Variants in MICAL3 observed in about 807,000 individuals in gnomAD.
MICAL3 encodes microtubule associated monooxygenase, calponin and LIM domain containing 3.
A neutral mutation model predicts 207.4 loss-of-function variants in MICAL3; 62 were observed. That is an observed-to-expected ratio of 0.30 (90% confidence interval 0.24 to 0.37). MICAL3 has a LOEUF of 0.37. Ranked by LOEUF, MICAL3 falls within the 10% of genes least tolerant of loss-of-function variation. MICAL3 has a pLI of 1.00. For synonymous variants in MICAL3, 1,077 were observed against 1,069.3 expected (o/e 1.01, Z -0.14); for missense variants, 2,368 against 2,635.6 (o/e 0.90, Z 2.22).
chr22:17,955,239 C>T (rs1390592188), intron 1 of MICAL3, among the ~76,000 whole-genome samples: 1 of 152,162 alleles, frequency 6.6e-6, no homozygotes, highest in East Asian at 1.9e-4. Flanking sequence ...CAAAATCTCC[C>T]TGGTTTAGGG....
Position 17,841,785 on chromosome 22 carries a change from TGTG to T in MICAL3, c.2801+34_2801+36del. 1 of 1,538,378 alleles carries T rather than the reference TGTG, an allele frequency of 6.5e-7. No homozygotes were observed. Among genetic ancestry groups the T allele is most frequent in the Non-Finnish European group, 8.8e-7 (1 of 1,141,730 alleles). On this transcript the variant is annotated intron_variant, in intron 20 of 31. Coordinates refer to ENST00000441493, the MANE Select transcript of MICAL3 (RefSeq NM_015241.3). This position sits in a 1 kb window ranked among gnomAD's most constrained non-coding sequence, Gnocchi z 4.2. ...AGAGGTGAGGAGGCTCTTAGGGCCG[TGTG>T]GCGGGTGGGCGCCCTGCAGCCCTGC...
chr22:17,979,365 C>A (rs533580008), intron 1 of MICAL3, among the ~76,000 whole-genome samples: 2 of 152,008 alleles, frequency 1.3e-5, no homozygotes, highest in East Asian at 3.9e-4. Context: ...GCCAACGTGG[C>A]GAAACCCCGT....
rs546134447 is a variant in MICAL3, at chr22:17,833,060, C to T, written c.2802-953G>A. ...AGCGTGGCCGACATAGGAAGCCGCA[C>T]ACCTGTAAGAATGCACATGCCACAA... On this transcript the variant is annotated intron_variant, in intron 20 of 31. Transcript: ENST00000441493. Among the ~76,000 whole-genome samples the T allele has an allele frequency of 3.3e-5, 5 of 152,312 alleles. No homozygotes were observed. The East Asian group carries it at 7.7e-4, about 24-fold the overall frequency.
At chr22:17,829,908 C>T (rs1463758508) in intron 21 of MICAL3, among the ~76,000 whole-genome samples, 1 of 152,100 alleles carries the variant, frequency 6.6e-6, no homozygotes, top group Admixed American at 6.5e-5. Context: ...TCTGGGCAGG[C>T]TGGGACCAGG....
At chr22:17,959,105 T>C (rs2146379758) in intron 1 of MICAL3, among the ~76,000 whole-genome samples, 1 of 126,048 alleles carries the variant, frequency 7.9e-6, no homozygotes, top group East Asian at 2.7e-4. Context: ...AAGCTCCGCC[T>C]CCCGGGTTCA....
chr22:17,790,660 G>T lies in MICAL3; in HGVS notation c.*72C>A, dbSNP rs1053360779. 7.1e-6 allele frequency: 10 copies of T among 1,399,118 alleles called. No homozygotes were observed. The highest frequency in any genetic ancestry group is 9.7e-6 in the Non-Finnish European group (10 of 1,033,160). 86.7% of individuals were successfully genotyped at this position (1,399,118 alleles called of 1,614,324 possible). ...GAGGTGCCAGGCCTCCTCAGATCGC[G>T]GCTCCGGGTGGTTTGGATGCCACTG... On this transcript the variant is annotated 3_prime_UTR_variant, in exon 32 of 32. Coordinates refer to ENST00000441493, the MANE Select transcript of MICAL3 (RefSeq NM_015241.3).
At chr22:17,866,668 T>TAGAATAGAATAGAATAGAATATAGA (rs796572705) in intron 17 of MICAL3, among the ~76,000 whole-genome samples, 1 of 81,970 alleles carries the variant, frequency 1.2e-5, no homozygotes, top group Admixed American at 1.1e-4. Flanking sequence ...TAGAATAGAA[T>TAGAATAGAATAGAATAGAATATAGA]ATAGAATAGA....
At chr22:17,877,352 G>A (rs1928806757) in intron 16 of MICAL3, among the ~76,000 whole-genome samples, 1 of 116,058 alleles carries the variant, frequency 8.6e-6, no homozygotes, top group Admixed American at 8.5e-5. Flanking sequence ...GGGAGGTTAG[G>A]GAGGTTATGG....
chr22:17,887,812 A>C (rs139603655), intron 13 of MICAL3, among the ~76,000 whole-genome samples: 1 of 152,258 alleles, frequency 6.6e-6, no homozygotes, highest in East Asian at 1.9e-4. Context: ...GGAGAGAGAA[A>C]AGCAGAGAGG....
intron 1 of MICAL3, chr22:18,019,531 C>T (rs1389671190): frequency 2.6e-5 from 4 of 151,842 alleles, no homozygotes; most frequent in African/African-American, 9.7e-5. Flanking sequence ...CCTGTCTCTA[C>T]TAAAAATACA....
chr22:17,878,469 G>C (rs566890966), intron 16 of MICAL3, among the ~76,000 whole-genome samples: 4 of 149,416 alleles, frequency 2.7e-5, no homozygotes, highest in Non-Finnish European at 5.9e-5. Flanking sequence ...TGCTAGCCTG[G>C]TGAGAGGGCG....
chr22:17,938,786 T>C (rs190072484), intron 1 of MICAL3, among the ~76,000 whole-genome samples: 2 of 152,248 alleles, frequency 1.3e-5, no homozygotes, highest in East Asian at 3.9e-4. Flanking sequence ...CTCAAGGTCA[T>C]TCAGCACGTG....
At chr22:17,943,580 C>G (rs1933910273) in intron 1 of MICAL3, among the ~76,000 whole-genome samples, 1 of 152,254 alleles carries the variant, frequency 6.6e-6, no homozygotes, top group African/African-American at 2.4e-5. Context: ...GTGAGAAGCC[C>G]TCCTTACTCA....
intron 12 of MICAL3, among the ~76,000 whole-genome samples, chr22:17,890,337 G>T (rs1930296150): frequency 6.6e-6 from 1 of 151,982 alleles, no homozygotes; most frequent in Non-Finnish European, 1.5e-5. Context: ...ACCTTCTCCA[G>T]GCGCCCCTCC....
At chr22:17,992,527 C>T (rs1921796868) in intron 1 of MICAL3, among the ~76,000 whole-genome samples, 2 of 152,256 alleles carry the variant, frequency 1.3e-5, no homozygotes, top group Middle Eastern at 3.4e-3. Flanking sequence ...TGTCTTACCA[C>T]GTGGCACTTA....
chr22:17,850,964 C>G (rs1295335255), intron 19 of MICAL3, among the ~76,000 whole-genome samples: 3 of 152,128 alleles, frequency 2.0e-5, no homozygotes, highest in South Asian at 4.2e-4. Context: ...TATCAACTGG[C>G]CAGGCCATCC....
rs559472853 is a variant in MICAL3, at chr22:17,993,021, A to G, written c.-75+31260T>C. Among the ~76,000 whole-genome samples the G allele has an allele frequency of 3.8e-4, 58 of 152,340 alleles. 1 individual carries two copies. The South Asian group carries it at 0.011, about 30-fold the overall frequency. ...ACTGTCTAAAGGTACTTAGAATACC[A>G]AAAGCAGAAAGTTTATTTGTTTTTC... On this transcript the variant is annotated intron_variant, in intron 1 of 31. Transcript: ENST00000441493.
intron 1 of MICAL3, among the ~76,000 whole-genome samples, chr22:17,987,447 A>T (rs970135180): frequency 1.3e-5 from 2 of 152,214 alleles, no homozygotes; most frequent in African/African-American, 4.8e-5. Flanking sequence ...GATGCTCAAG[A>T]CAAGTGATCG....
chr22:17,811,839 G>A (rs2062051555), intron 27 of MICAL3, among the ~76,000 whole-genome samples: 1 of 152,178 alleles, frequency 6.6e-6, no homozygotes, highest in Non-Finnish European at 1.5e-5. Context: ...CAAACTCCTG[G>A]ACTCACGTGA....
Sources: allele counts gnomAD v4.1 joint callset (sites outside exome capture counted in the v4.1 genomes callset), GRCh38; gene constraint gnomAD v4.1.1; non-coding constraint Gnocchi (gnomAD v3.1); transcripts MANE v1.5; gene names NCBI Gene and HGNC (gene_info 2026-07-23, HGNC 2026-07-21).